SLC30A4: variants seen among roughly 807,000 people sequenced by gnomAD.
SLC30A4 encodes probable proton-coupled zinc antiporter SLC30A4.
A neutral mutation model predicts 41.7 loss-of-function variants in SLC30A4; 20 were observed. That is an observed-to-expected ratio of 0.48 (90% confidence interval 0.34 to 0.70). The LOEUF (loss-of-function observed/expected upper bound fraction) is 0.70. Among genes scored for constraint, SLC30A4 ranks in the 30% least tolerant of loss-of-function variants. SLC30A4 has a pLI of 0.01. For missense variants in SLC30A4, 441 were observed against 529.3 expected, an observed-to-expected ratio of 0.83 and a Z score of 1.64; for synonymous variants, 181 against 195.9, an observed-to-expected ratio of 0.92 and a Z score of 0.64.
intron 2 of SLC30A4, among the ~76,000 whole-genome samples, chr15:45,520,664 A>G (rs759985268): frequency 1.2e-4 from 18 of 152,226 alleles, no homozygotes; most frequent in Non-Finnish European, 2.1e-4. Context: ...GTGTTTTTCA[A>G]GCTAAGGCCC....
chr15:45,511,499 T>C (rs979732322), intron 2 of SLC30A4, among the ~76,000 whole-genome samples: 1 of 152,168 alleles, frequency 6.6e-6, no homozygotes, highest in Non-Finnish European at 1.5e-5. Flanking sequence ...TTCTTTTTTT[T>C]TTGAGACAGA....
chr15:45,486,487 G>T, intron 7 of SLC30A4, 124 bp downstream of exon 7: 2 of 875,998 alleles, frequency 2.3e-6, no homozygotes, highest in Non-Finnish European at 3.4e-6. Context: ...AAAGACAAAG[G>T]CTTTTGTCTT....
chr15:45,489,312 G>T (rs189788539), intron 4 of SLC30A4, among the ~76,000 whole-genome samples: 1 of 152,192 alleles, frequency 6.6e-6, no homozygotes, highest in Non-Finnish European at 1.5e-5. Context: ...AAATGCTTTG[G>T]AGAAACATAA....
Position 45,485,170 on chromosome 15 carries a change from C to G in SLC30A4, c.1283G>C (p.Ser428Thr). Residue 428 changes from serine to threonine, a missense_variant, in exon 8 of 8, where the codon AGT becomes ACT. Coordinates refer to ENST00000261867, the MANE Select transcript of SLC30A4 (RefSeq NM_013309.6). ...DRTCANCQSS[S>T]P ...TTCCCAAAATACATAAAATTAGGGA[C>G]TAGAACTCTGACAATTTGCACAAGT... 6.2e-7 allele frequency: 1 copy of G among 1,611,926 alleles called. No individual in the cohort carries two copies. The highest frequency in any genetic ancestry group is 8.5e-7 in the Non-Finnish European group (1 of 1,179,250).
intron 3 of SLC30A4, among the ~76,000 whole-genome samples, chr15:45,508,503 T>C (rs931253996): frequency 6.6e-6 from 1 of 152,202 alleles, no homozygotes; most frequent in African/African-American, 2.4e-5. Flanking sequence ...GTTGGGCTGG[T>C]CCAGTTCCTA....
intron 7 of SLC30A4, 106 bp downstream of exon 7, chr15:45,486,505 A>T: frequency 9.4e-7 from 1 of 1,062,834 alleles, no homozygotes; most frequent in Non-Finnish European, 1.3e-6. Context: ...CTTAAAACAA[A>T]TCTTTTCAGC....
chr15:45,490,467 T>TA lies in SLC30A4; in HGVS notation c.692+260dup, dbSNP rs75605640. Among the ~76,000 whole-genome samples the TA allele has an allele frequency of 3.6e-3, 541 of 152,288 alleles. 21 individuals are homozygous for TA. In the East Asian group the frequency reaches 0.094, roughly 27 times the overall value. On this transcript the variant is annotated intron_variant, in intron 4 of 7. Transcript: ENST00000261867. ...GATAGCTTAAGAAAAAAAATCTAGT[T>TA]AACACAAAAGTATTCTAAAAGTTAA... is the stretch of plus-strand genomic sequence containing the variant.
chr15:45,513,341 G>T (rs1022031167), intron 2 of SLC30A4, among the ~76,000 whole-genome samples: 9 of 150,974 alleles, frequency 6.0e-5, no homozygotes, highest in African/African-American at 2.2e-4. Flanking sequence ...GAGTAGCTGG[G>T]ACTACAGGCA....
intron 3 of SLC30A4, among the ~76,000 whole-genome samples, chr15:45,498,207 C>T (rs1891944981): frequency 6.6e-6 from 1 of 152,068 alleles, no homozygotes; most frequent in African/African-American, 2.4e-5. Flanking sequence ...GAGCTATATC[C>T]TCTCTTCTAA....
chr15:45,521,146 C>G, intron 2 of SLC30A4: 1 of 368,834 alleles, frequency 2.7e-6, no homozygotes, highest in South Asian at 2.2e-5. Context: ...AATCATCTCC[C>G]TGCTTTTATG....
chr15:45,480,604 T>C lies in SLC30A4; in HGVS notation c.*4559A>G, dbSNP rs1648279276. On this transcript the variant is annotated 3_prime_UTR_variant, in exon 8 of 8. Coordinates refer to ENST00000261867, the MANE Select transcript of SLC30A4 (RefSeq NM_013309.6). Reference sequence around the variant, plus strand: ...GAACCAAATGAACTAATCTTCTATCTAGGAAACACTCTGTAACTTTAAATT... The same window carrying C: ...GAACCAAATGAACTAATCTTCTATCCAGGAAACACTCTGTAACTTTAAATT... The C allele has an allele frequency of 6.6e-6, 1 of 152,190 alleles. No homozygotes were observed. The highest frequency in any genetic ancestry group is 2.4e-5 in the African/African-American group (1 of 41,448). 9.4% of individuals were successfully genotyped at this position (152,190 alleles called of 1,614,324 possible). A position where few individuals can be genotyped will look rare whatever the true frequency, so the allele number is the denominator to read the frequency against.
intron 2 of SLC30A4, chr15:45,514,088 G>C (rs1892384841): frequency 6.6e-6 from 1 of 152,260 alleles, no homozygotes; most frequent in African/African-American, 2.4e-5. Flanking sequence ...GCTCACACCT[G>C]TAATCCCAGC....
chr15:45,484,445 A>G lies in SLC30A4; in HGVS notation c.*718T>C, dbSNP rs574959723. 2 of 152,338 alleles carry G rather than the reference A, an allele frequency of 1.3e-5. No homozygotes were observed. The highest frequency in any genetic ancestry group is 2.1e-4 in the South Asian group (1 of 4,830). The allele number at this position is 152,338 out of a possible 1,614,324, so 9.4% of individuals were successfully genotyped here. On this transcript the variant is annotated 3_prime_UTR_variant, in exon 8 of 8. Coordinates refer to ENST00000261867, the MANE Select transcript of SLC30A4 (RefSeq NM_013309.6). ...ACTAACTTCAGCCATTCAGAATAAT[A>G]TTGAAAGTATTTCCTAAATCATTTA...
At chr15:45,521,131 G>A in intron 2 of SLC30A4, 1 of 384,728 alleles carries the variant, frequency 2.6e-6, no homozygotes, top group Middle Eastern at 3.7e-4. Context: ...GAGATGACAT[G>A]TAAGAATCAT....
intron 3 of SLC30A4, among the ~76,000 whole-genome samples, chr15:45,500,129 G>A (rs532170152): frequency 6.6e-6 from 1 of 152,240 alleles, no homozygotes; most frequent in East Asian, 1.9e-4. Flanking sequence ...ATTCTGACTG[G>A]GGGAGAAGAA....
At chr15:45,497,649 T>C (rs1198050514) in intron 3 of SLC30A4, among the ~76,000 whole-genome samples, 4 of 152,124 alleles carry the variant, frequency 2.6e-5, no homozygotes, top group African/African-American at 4.8e-5. Context: ...GGAGAAAACA[T>C]AGATGATTAT....
At chr15:45,491,162 T>G (rs769808069) in intron 3 of SLC30A4, among the ~76,000 whole-genome samples, 28 of 152,040 alleles carry the variant, frequency 1.8e-4, no homozygotes, top group Non-Finnish European at 3.4e-4. Flanking sequence ...GCTGGTACTA[T>G]AGGCACATGC....
chr15:45,518,625 G>A (rs1034023222), intron 2 of SLC30A4, among the ~76,000 whole-genome samples: 6 of 151,978 alleles, frequency 3.9e-5, no homozygotes, highest in Non-Finnish European at 8.8e-5. Flanking sequence ...TACAGCAGCC[G>A]GATCTCAGCT....
chr15:45,511,714 C>T (rs989907507), intron 2 of SLC30A4, among the ~76,000 whole-genome samples: 1 of 152,198 alleles, frequency 6.6e-6, no homozygotes, highest in African/African-American at 2.4e-5. Context: ...AAACTCCTGA[C>T]CTCAACTGAT....
Sources: allele counts gnomAD v4.1 joint callset (sites outside exome capture counted in the v4.1 genomes callset), GRCh38; gene constraint gnomAD v4.1.1; transcripts MANE v1.5; gene names NCBI Gene and HGNC (gene_info 2026-07-23, HGNC 2026-07-21).